NSG1: variants seen among roughly 807,000 people sequenced by gnomAD.
The protein encoded by NSG1 is neuronal vesicle trafficking associated 1.
A neutral mutation model predicts 19.3 loss-of-function variants in NSG1; 9 were observed. The observed-to-expected ratio is 0.47, with a 90% CI of 0.28 to 0.81. The LOEUF (loss-of-function observed/expected upper bound fraction) is 0.81. Ranked by LOEUF, NSG1 falls within the 40% of genes least tolerant of loss-of-function variation. The pLI, the probability that NSG1 is intolerant of heterozygous loss-of-function variation, is 0.11. For missense variants in NSG1, 236 were observed against 242.4 expected (o/e 0.97, Z 0.18); for synonymous variants, 104 against 107.0 (o/e 0.97, Z 0.17).
chr4:4,417,311 C>G lies in NSG1; in HGVS notation c.434C>G (p.Thr145Arg), dbSNP rs368639342. 3.7e-6 allele frequency: 6 copies of G among 1,614,006 alleles called. No homozygotes were observed. The highest frequency in any genetic ancestry group is 4.2e-6 in the Non-Finnish European group (5 of 1,180,024). ...TCCAGTGCCCGGGAGAAATTTTACA[C>G]AGTCATAAACCACTACAACCTGGCC... The part of the protein sequence containing the change: ...QDSSAREKFY[T>R]VINHYNLAKQ... Residue 145 changes from threonine (T) to arginine (R), a missense_variant, in exon 5 of 5, where the codon ACA becomes AGA. Thr to Arg is a moderately conservative substitution (Grantham distance 71). Coordinates refer to ENST00000621129, the MANE Select transcript of NSG1 (RefSeq NM_014392.5).
At chr4:4,401,294 G>T (rs1234502225) in intron 3 of NSG1, among the ~76,000 whole-genome samples, 1 of 152,216 alleles carries the variant, frequency 6.6e-6, no homozygotes, top group Non-Finnish European at 1.5e-5. Context: ...ATGCTAGTTT[G>T]TCACAAAGTG....
rs1423026601 is a variant in NSG1, at chr4:4,389,582, A to G, written c.129+1824A>G. The stretch of plus-strand genomic sequence containing the variant: ...AGTTTCTGGCAGTGCCTCTTACTCC[A>G]CTGTGCTTGGAGCCAGATGTCTCTC... On this transcript the variant is annotated intron_variant, in intron 2 of 4. Coordinates refer to ENST00000621129, the MANE Select transcript of NSG1 (RefSeq NM_014392.5). Among the ~76,000 whole-genome samples the G allele has an allele frequency of 2.0e-5, 3 of 152,212 alleles. No homozygotes were observed. The East Asian group carries it at 5.8e-4, about 29-fold the overall frequency.
intron 3 of NSG1, among the ~76,000 whole-genome samples, chr4:4,407,650 G>T (rs1385110683): frequency 6.6e-6 from 1 of 152,182 alleles, no homozygotes; most frequent in Non-Finnish European, 1.5e-5. Flanking sequence ...GGGGACAATT[G>T]TGAGGCCTGG....
chr4:4,401,346 G>A (rs1723537311), intron 3 of NSG1, among the ~76,000 whole-genome samples: 1 of 152,202 alleles, frequency 6.6e-6, no homozygotes, highest in African/African-American at 2.4e-5. Flanking sequence ...GGACCTGTCT[G>A]CTTCCAGTGT....
At chr4:4,399,910 C>G (rs146697235) in intron 3 of NSG1, among the ~76,000 whole-genome samples, 1 of 152,368 alleles carries the variant, frequency 6.6e-6, no homozygotes, top group Middle Eastern at 3.4e-3. Flanking sequence ...TGCCACTGAT[C>G]TGACAGGAGA....
At chr4:4,410,561 T>C (rs1724120366) in intron 4 of NSG1, among the ~76,000 whole-genome samples, 1 of 152,160 alleles carries the variant, frequency 6.6e-6, no homozygotes, top group Non-Finnish European at 1.5e-5. Flanking sequence ...ATGTAGGCAG[T>C]TGTCACACGA....
At chr4:4,394,262 A>G (rs1392662428) in intron 3 of NSG1, among the ~76,000 whole-genome samples, 2 of 152,074 alleles carry the variant, frequency 1.3e-5, no homozygotes, top group Non-Finnish European at 2.9e-5. Flanking sequence ...TGTTGATTCA[A>G]AACCCTTGCT....
intron 4 of NSG1, among the ~76,000 whole-genome samples, chr4:4,415,535 T>G (rs1724478879): frequency 6.6e-6 from 1 of 151,668 alleles, no homozygotes; most frequent in Non-Finnish European, 1.5e-5. Context: ...CTGCTTCCGT[T>G]GGGAAGCCCT....
chr4:4,387,350 C>G (rs1414621039), intron 1 of NSG1, among the ~76,000 whole-genome samples, 177 bp downstream of exon 1: 2 of 152,100 alleles, frequency 1.3e-5, no homozygotes, highest in African/African-American at 4.8e-5. Context: ...GCAGGGGCGG[C>G]GCCCCCTTCC....
chr4:4,401,146 C>T (rs758513678), intron 3 of NSG1, among the ~76,000 whole-genome samples: 6 of 152,220 alleles, frequency 3.9e-5, no homozygotes, highest in Non-Finnish European at 7.3e-5. Flanking sequence ...TCCCATTGCC[C>T]CTGCTTTAGA....
chr4:4,416,094 C>G lies in NSG1; in HGVS notation c.358-1141C>G, dbSNP rs1724516756. 1.0e-5 allele frequency: 7 copies of G among 702,290 alleles called. No individual in the cohort carries two copies. In the Admixed American group the frequency reaches 1.2e-4, roughly 12 times the overall value. 43.5% of individuals were successfully genotyped at this position (702,290 alleles called of 1,614,324 possible). Reference sequence around the variant, plus strand: ...CATCCTGGCTTCTTTACTTGAGCCACTGTGCATTGACTTGAGTCCTCAGCA... The same window carrying G: ...CATCCTGGCTTCTTTACTTGAGCCAGTGTGCATTGACTTGAGTCCTCAGCA... On this transcript the variant is annotated intron_variant, in intron 4 of 4. Transcript: ENST00000621129.
intron 3 of NSG1, among the ~76,000 whole-genome samples, chr4:4,397,162 T>G (rs1723298350): frequency 6.6e-6 from 1 of 152,098 alleles, no homozygotes; most frequent in African/African-American, 2.4e-5. Flanking sequence ...CTTTTTTTTT[T>G]TTTTTAAACT....
At chr4:4,404,357 C>T (rs9990758) in intron 3 of NSG1, among the ~76,000 whole-genome samples, 24,318 of 152,218 alleles carry the variant, frequency 0.16, 2,043 homozygotes, top group African/African-American at 0.2. Flanking sequence ...CACTGTTTGC[C>T]AGCCATGGGG....
intron 3 of NSG1, among the ~76,000 whole-genome samples, chr4:4,398,577 A>T (rs13107725): frequency 0.63 from 96,137 of 152,152 alleles, 34,002 homozygotes; most frequent in East Asian, 0.94. Context: ...TTCACTTAGC[A>T]TGCTATTTCA....
At chr4:4,413,920 G>A (rs935066784) in intron 4 of NSG1, among the ~76,000 whole-genome samples, 2 of 152,032 alleles carry the variant, frequency 1.3e-5, no homozygotes, top group Non-Finnish European at 1.5e-5. Flanking sequence ...AGGGCCTGGT[G>A]CAGAGCTAGT....
intron 3 of NSG1, among the ~76,000 whole-genome samples, chr4:4,402,258 G>A (rs1476675805): frequency 6.7e-6 from 1 of 150,226 alleles, no homozygotes; most frequent in Non-Finnish European, 1.5e-5. Context: ...CCAGGTTGGA[G>A]TGCAGTCCAT....
intron 3 of NSG1, among the ~76,000 whole-genome samples, chr4:4,394,710 C>A (rs958691504): frequency 3.9e-5 from 6 of 152,206 alleles, no homozygotes; most frequent in African/African-American, 1.4e-4. Flanking sequence ...ATCTCTCTGG[C>A]GCTTCTTGCA....
chr4:4,411,281 CTTTT>C (rs1369089006), intron 4 of NSG1, among the ~76,000 whole-genome samples: 1 of 152,170 alleles, frequency 6.6e-6, no homozygotes, highest in African/African-American at 2.4e-5. Flanking sequence ...TTTTTTAATT[CTTTT>C]TTTACTTCCA....
In NSG1 at chr4:4,411,776, A is replaced by AACACAACACAACACAAC. The variant is rs544195285; in HGVS notation, c.357+2096_357+2097insCAACACAACACAACACA. Reference sequence around the variant, plus strand: ...AACAAAACAAAACAAAACAAAACAAAACAAAACAAAACAAAACATTGCCTT... The same window carrying AACACAACACAACACAAC: ...AACAAAACAAAACAAAACAAAACAAAACACAACACAACACAACACAAAACAAAACAAAACATTGCCTT... On this transcript the variant is annotated intron_variant, in intron 4 of 4. Transcript: ENST00000621129. Among the ~76,000 whole-genome samples the AACACAACACAACACAAC allele has an allele frequency of 9.1e-4, 120 of 132,592 alleles. 2 individuals carry two copies. Among genetic ancestry groups the AACACAACACAACACAAC allele is most frequent in the Middle Eastern group, 7.3e-3 (2 of 274 alleles). The allele number at this position is 132,592 out of a possible 152,430, so 87.0% of individuals were successfully genotyped here.
Sources: gnomAD v4.1 joint callset for allele counts (sites outside exome capture counted in the v4.1 genomes callset) on GRCh38, gnomAD v4.1.1 for gene constraint, MANE v1.5 for transcripts, NCBI Gene and HGNC (gene_info 2026-07-23, HGNC 2026-07-21) for gene names.